UROD: variants seen among roughly 807,000 people sequenced by gnomAD.
UROD encodes uroporphyrinogen III decarboxylase.
In UROD, 34 loss-of-function variants were observed where a neutral mutation model predicts 47.1. That is an observed-to-expected ratio of 0.72 (90% CI 0.55 to 0.96). The LOEUF (loss-of-function observed/expected upper bound fraction) is 0.96, where lower values mean the gene tolerates loss of function less well. Among genes scored for constraint, UROD ranks in the 40% least tolerant of loss-of-function variants. The pLI is 0.00. For synonymous variants in UROD, 148 were observed against 175.8 expected, an observed-to-expected ratio of 0.84 and a Z score of 1.25; for missense variants, 381 against 471.8, an observed-to-expected ratio of 0.81 and a Z score of 1.78.
chr1:45,012,599 A>C (rs1313001001), intron 1 of UROD: 12 of 617,298 alleles, frequency 1.9e-5, no homozygotes, highest in African/African-American at 3.7e-5. Flanking sequence ...TCTGAGGCTC[A>C]CTAGTTCGAA....
Position 45,013,977 on chromosome 1 carries a change from C to CT in UROD, c.544dup (p.Tyr182LeufsTer7). The CT allele has an allele frequency of 6.2e-7, 1 of 1,614,236 alleles. No homozygotes were observed. Among genetic ancestry groups the CT allele is most frequent in the Non-Finnish European group, 8.5e-7 (1 of 1,180,048 alleles). On this transcript the variant is annotated frameshift_variant, in exon 6 of 10. Coordinates refer to ENST00000246337, the MANE Select transcript of UROD (RefSeq NM_000374.5). LOFTEE classifies it high-confidence loss of function. This position sits in a 1 kb window ranked among gnomAD's most constrained non-coding sequence, Gnocchi z 4.2. The stretch of plus-strand genomic sequence containing the variant: ...CCATGGCTCAGGCCAAGCGCTGGCT[C>CT]TATCAGAGACCTCAGGCTAGTCACC...
chr1:45,012,969 C>T lies in UROD; in HGVS notation c.83C>T (p.Thr28Ile). 2 of 1,613,602 alleles carry T rather than the reference C, an allele frequency of 1.2e-6. No individual in the cohort carries two copies. The highest frequency in any genetic ancestry group is 2.2e-5 in the East Asian group (1 of 44,862). Residue 28 changes from threonine to isoleucine, a missense_variant, in exon 2 of 10, where the codon ACA becomes ATA. Transcript: ENST00000246337. The part of the protein sequence containing the change: ...TFLRAAWGEE[T>I]DYTPVWCMRQ... ...CTGCGAGCAGCCTGGGGAGAGGAAA[C>T]AGACTACACTCCCGTTTGGTGCATG...
Position 45,015,388 on chromosome 1 carries a change from C to G in UROD, c.994C>G (p.Arg332Gly), listed in dbSNP as rs749879899. The change falls in exon 10 of 10, where the codon CGC becomes GGC. Residue 332 changes from arginine to glycine, a missense_variant. Physicochemically the swap from Arg to Gly is moderately radical, Grantham distance 125. Coordinates refer to ENST00000246337, the MANE Select transcript of UROD (RefSeq NM_000374.5). ...KQMLDDFGPH[R>G]YIANLGHGLY... ...GATGCTGGATGACTTTGGACCACATCGCTACATTGCCAACCTGGGCCATGG... is the reference window on the plus strand; with the variant it reads ...GATGCTGGATGACTTTGGACCACATGGCTACATTGCCAACCTGGGCCATGG... 3 of 1,614,166 alleles carry G rather than the reference C, an allele frequency of 1.9e-6. No individual in the cohort carries two copies. The highest frequency in any genetic ancestry group is 2.5e-6 in the Non-Finnish European group (3 of 1,180,036).
In UROD at chr1:45,013,080, C is replaced by T. The variant is rs768834569; in HGVS notation, c.134-56C>T. On this transcript the variant is annotated intron_variant, in intron 2 of 9. Coordinates refer to ENST00000246337, the MANE Select transcript of UROD (RefSeq NM_000374.5). The surrounding 1 kb of genome is among the most constrained non-coding windows in gnomAD (Gnocchi z 4.2). ...CGGAGGGAGAAAAGTTTTCGAGGGG[C>T]AGGGGAGGGCTCTGGAGGGCCTCAA... 3 of 1,614,068 alleles carry T rather than the reference C, an allele frequency of 1.9e-6. No individual in the cohort carries two copies. The highest frequency in any genetic ancestry group is 2.5e-6 in the Non-Finnish European group (3 of 1,179,986).
Position 45,013,931 on chromosome 1 carries a change from T to C in UROD, c.497T>C (p.Val166Ala), listed in dbSNP as rs1644826882. 1.2e-6 allele frequency: 2 copies of C among 1,614,204 alleles called. No homozygotes were observed. Among genetic ancestry groups the C allele is most frequent in the African/African-American group, 1.3e-5 (1 of 75,068 alleles). The change falls in exon 6 of 10, where the codon GTT becomes GCT. Residue 166 changes from valine (V) to alanine (A), a missense_variant. Transcript: ENST00000246337. This position sits in a 1 kb window ranked among gnomAD's most constrained non-coding sequence, Gnocchi z 4.2. ...TAGTGGACCCTGATGACATACATGG[T>C]TGAGGGTGGTGGCTCAAGCACCATG... Reference protein sequence around the residue: ...GAPWTLMTYMVEGGGSSTMAQ... With the variant: ...GAPWTLMTYMAEGGGSSTMAQ...
intron 1 of UROD, chr1:45,012,565 A>C: frequency 1.6e-6 from 1 of 620,218 alleles, no homozygotes; most frequent in Non-Finnish European, 2.8e-6. Context: ...TCAGCCCCTG[A>C]ACCAGCCCAG....
chr1:45,014,195 A>G lies in UROD; in HGVS notation c.636+125A>G. Reference sequence around the variant, plus strand: ...GATGAAAGAACCTTGGCCTCCAGTGATCTAGCGGAGCAGCCAAGCCCATCC... The same window carrying G: ...GATGAAAGAACCTTGGCCTCCAGTGGTCTAGCGGAGCAGCCAAGCCCATCC... On this transcript the variant is annotated intron_variant, in intron 6 of 9. Coordinates refer to ENST00000246337, the MANE Select transcript of UROD (RefSeq NM_000374.5). 1.2e-5 allele frequency: 17 copies of G among 1,474,768 alleles called. No individual in the cohort carries two copies. In the South Asian group the frequency reaches 1.7e-4, roughly 15 times the overall value. The allele number at this position is 1,474,768 out of a possible 1,614,324, so 91.4% of individuals were successfully genotyped here. A position where few individuals can be genotyped will look rare whatever the true frequency, so the allele number is the denominator to read the frequency against.
chr1:45,012,958 GGGAGA>G lies in UROD; in HGVS notation c.76_80del (p.Glu26AsnfsTer20). On this transcript the variant is annotated frameshift_variant, in exon 2 of 10. Transcript: ENST00000246337. LOFTEE classifies it high-confidence loss of function. ...ATGACACATTCCTGCGAGCAGCCTG[GGGAGA>G]GGAAACAGACTACACTCCCGTTTGG... is the stretch of plus-strand genomic sequence containing the variant. The G allele has an allele frequency of 6.2e-7, 1 of 1,614,042 alleles. No homozygotes were observed. The highest frequency in any genetic ancestry group is 8.5e-7 in the Non-Finnish European group (1 of 1,180,004).
Position 45,014,087 on chromosome 1 carries a change from A to G in UROD, c.636+17A>G, listed in dbSNP as rs1435692947. 1 of 1,614,116 alleles carries G rather than the reference A, an allele frequency of 6.2e-7. No homozygotes were observed. Among genetic ancestry groups the G allele is most frequent in the Non-Finnish European group, 8.5e-7 (1 of 1,180,018 alleles). ...GGTGCCCAGGTGAGTCCTGAGAGAG[A>G]GAGAAATAGGCTGGGATTTGGTCTG... On this transcript the variant is annotated intron_variant, in intron 6 of 9. Transcript: ENST00000246337.
rs763083464 is a variant in UROD, at chr1:45,013,320, CCAT to C, written c.246_248del (p.Ile83del). On this transcript the variant is annotated inframe_deletion, in exon 4 of 10. Coordinates refer to ENST00000246337, the MANE Select transcript of UROD (RefSeq NM_000374.5). This position sits in a 1 kb window ranked among gnomAD's most constrained non-coding sequence, Gnocchi z 4.2. ...CTGCGTCGCTTCCCTCTGGATGCTG[CCAT>C]CATTTTCTCCGACATCCTTGTTGTA... The C allele has an allele frequency of 6.8e-6, 11 of 1,614,180 alleles. No individual in the cohort carries two copies. The highest frequency in any genetic ancestry group is 9.3e-6 in the Non-Finnish European group (11 of 1,180,026).
At position 45,014,082 on chromosome 1, in the gene UROD, G is replaced by A. The variant is rs1404928286; in HGVS notation, c.636+12G>A. On this transcript the variant is annotated intron_variant, in intron 6 of 9. Coordinates refer to ENST00000246337, the MANE Select transcript of UROD (RefSeq NM_000374.5). ...TGGCTGGTGCCCAGGTGAGTCCTGA[G>A]AGAGAGAGAAATAGGCTGGGATTTG... is the stretch of plus-strand genomic sequence containing the variant. 3.7e-6 allele frequency: 6 copies of A among 1,614,002 alleles called. No individual in the cohort carries two copies. In the Admixed American group the frequency reaches 5.0e-5, roughly 13 times the overall value.
intron 1 of UROD, 115 bp downstream of exon 1, chr1:45,012,400 C>A: frequency 7.0e-7 from 1 of 1,424,748 alleles, no homozygotes; most frequent in Non-Finnish European, 9.9e-7. Flanking sequence ...CCAACCTGAA[C>A]TCCGTTAGCT....
intron 1 of UROD, 95 bp from the exon 2 acceptor site, chr1:45,012,812 G>A (rs766573377): frequency 1.9e-6 from 3 of 1,565,766 alleles, no homozygotes; most frequent in Non-Finnish European, 2.6e-6. Context: ...GAGGTAGATA[G>A]CGGTCCTGGA....
Position 45,014,753 on chromosome 1 carries a change from T to C in UROD, c.792T>C (p.Asp264=). Residue 264 remains aspartate (D), a synonymous_variant, in exon 8 of 10, where the codon GAT becomes GAC. Transcript: ENST00000246337. ...APVPMIIFAK[D]GHFALEELAQ... ...TTTTCTAGATCATCTTTGCTAAGGA[T>C]GGGCATTTTGCCCTGGAGGAGCTGG... The C allele has an allele frequency of 6.2e-7, 1 of 1,614,258 alleles. No homozygotes were observed. Among genetic ancestry groups the C allele is most frequent in the Non-Finnish European group, 8.5e-7 (1 of 1,180,048 alleles).
rs1369814080 is a variant in UROD, at chr1:45,015,017, G to C, written c.942+11G>C. ...TTGTATGCATCTGAGGTAACAGCCAGGGCCCCTCTGTGTGTCTGTTACTGT... is the reference window on the plus strand; with the variant it reads ...TTGTATGCATCTGAGGTAACAGCCACGGCCCCTCTGTGTGTCTGTTACTGT... On this transcript the variant is annotated intron_variant, in intron 9 of 9. Transcript: ENST00000246337. 2 of 1,613,066 alleles carry C rather than the reference G, an allele frequency of 1.2e-6. No homozygotes were observed. Among genetic ancestry groups the C allele is most frequent in the Non-Finnish European group, 1.7e-6 (2 of 1,180,016 alleles).
At position 45,013,299 on chromosome 1, in the gene UROD, G is replaced by A. The variant is rs1319990438; in HGVS notation, c.221G>A (p.Arg74His). The change falls in exon 4 of 10, where the codon CGT (arginine) becomes CAT (histidine). Residue 74 changes from arginine to histidine, a missense_variant. Transcript: ENST00000246337. The surrounding 1 kb of genome is among the most constrained non-coding windows in gnomAD (Gnocchi z 4.2). ...ACCELTLQPL[R>H]RFPLDAAIIF... ...GTCTCCTGTTTCCTACAGCCACTGC[G>A]TCGCTTCCCTCTGGATGCTGCCATC... 1 of 1,614,150 alleles carries A rather than the reference G, an allele frequency of 6.2e-7. No homozygotes were observed. The highest frequency in any genetic ancestry group is 1.1e-5 in the South Asian group (1 of 91,084).
rs1320055716 is a variant in UROD at position 45,015,513 on chromosome 1, C to T, written c.*15C>T. 1.2e-6 allele frequency: 2 copies of T among 1,614,006 alleles called. No homozygotes were observed. Among genetic ancestry groups the T allele is most frequent in the Non-Finnish European group, 1.7e-6 (2 of 1,180,008 alleles). ...GACAGAACTGAGTGTATACCTTTACCCTCAAGTACCACTAACACAGATGAT... is the reference window on the plus strand; with the variant it reads ...GACAGAACTGAGTGTATACCTTTACTCTCAAGTACCACTAACACAGATGAT... On this transcript the variant is annotated 3_prime_UTR_variant, in exon 10 of 10. Transcript: ENST00000246337.
At position 45,013,097 on chromosome 1, in the gene UROD, G is replaced by C. The variant is rs758319122; in HGVS notation, c.134-39G>C. 1 of 1,614,118 alleles carries C rather than the reference G, an allele frequency of 6.2e-7. No homozygotes were observed. Among genetic ancestry groups the C allele is most frequent in the Admixed American group, 1.7e-5 (1 of 60,014 alleles). ...TCGAGGGGCAGGGGAGGGCTCTGGA[G>C]GGCCTCAAGGCTGAGCCCTGTCTTC... On this transcript the variant is annotated intron_variant, in intron 2 of 9. Coordinates refer to ENST00000246337, the MANE Select transcript of UROD (RefSeq NM_000374.5). The surrounding 1 kb of genome is among the most constrained non-coding windows in gnomAD (Gnocchi z 4.2).
Position 45,014,438 on chromosome 1 carries a change from G to A in UROD, c.637-1G>A. On this transcript the variant is annotated splice_acceptor_variant, in intron 6 of 9. Coordinates refer to ENST00000246337, the MANE Select transcript of UROD (RefSeq NM_000374.5). LOFTEE classifies it high-confidence loss of function. ...ATTTTTCTTCACCATACCCTAACTA[G>A]GCATTGCAGCTGTTTGAGTCCCATG... The A allele has an allele frequency of 6.2e-7, 1 of 1,614,146 alleles. No individual in the cohort carries two copies. The highest frequency in any genetic ancestry group is 8.5e-7 in the Non-Finnish European group (1 of 1,180,036).
Sources: gnomAD v4.1 joint callset for allele counts on GRCh38, gnomAD v4.1.1 for gene constraint, Gnocchi (gnomAD v3.1) non-coding constraint, MANE v1.5 for transcripts, NCBI Gene and HGNC (gene_info 2026-07-23, HGNC 2026-07-21) for gene names.